BICD1: variants seen among roughly 807,000 people sequenced by gnomAD.
The protein encoded by BICD1 is BICD cargo adaptor 1, also known as protein bicaudal D homolog 1.
BICD1 carries 35 observed loss-of-function variants against 92.5 expected under a neutral mutation model. The observed-to-expected ratio is 0.38, with a 90% CI of 0.29 to 0.50. BICD1 has a LOEUF of 0.50. Ranked by LOEUF, BICD1 falls within the 20% of genes least tolerant of loss-of-function variation. The probability of loss-of-function intolerance (pLI) is 0.93; values close to 1 mark genes in which losing one functional copy is unlikely to be tolerated. For synonymous variants in BICD1, 429 were observed against 465.1 expected (o/e 0.92, Z 1.00); for missense variants, 950 against 1,189.8 (o/e 0.80, Z 2.97).
intron 8 of BICD1, among the ~76,000 whole-genome samples, chr12:32,349,075 C>T (rs1370490155): frequency 1.3e-5 from 2 of 152,040 alleles, no homozygotes; most frequent in Non-Finnish European, 2.9e-5. Flanking sequence ...GAACAATCTA[C>T]CTGTAACATT....
chr12:32,248,479 C>T (rs928911292), intron 2 of BICD1, among the ~76,000 whole-genome samples: 1 of 152,060 alleles, frequency 6.6e-6, no homozygotes, highest in Admixed American at 6.6e-5. Context: ...ACTGATGATC[C>T]TTAAAGAAGG....
intron 8 of BICD1, among the ~76,000 whole-genome samples, chr12:32,345,215 G>A (rs546099649): frequency 2.6e-5 from 4 of 151,240 alleles, no homozygotes; most frequent in African/African-American, 9.7e-5. Context: ...TTGAGTCTGG[G>A]AGGTCGAGGC....
chr12:32,308,005 C>G (rs189761252), intron 4 of BICD1, among the ~76,000 whole-genome samples: 1 of 152,300 alleles, frequency 6.6e-6, no homozygotes, highest in Admixed American at 6.5e-5. Flanking sequence ...ATGCATGAAA[C>G]AGCACAACAA....
rs111567892 is a variant in BICD1 at position 32,338,818 on chromosome 12, G to A, written c.2603G>A (p.Arg868His). The change falls in exon 8 of 10, where the codon CGT becomes CAT. Residue 868 changes from arginine to histidine, a missense_variant. By Grantham distance (29) the Arg-to-His change is conservative. Coordinates refer to ENST00000652176, the MANE Select transcript of BICD1 (RefSeq NM_001714.4). ...TCACCTTCCCTTTGTGATCAGAGCC[G>A]TCCCAGGACTTCAGGGGCTTCCTAC... ...QFSPSLCDQS[R>H]PRTSGASYLQ... The A allele has an allele frequency of 2.3e-4, 361 of 1,602,326 alleles. 2 individuals are homozygous for A. The African/African-American group carries it at 3.5e-3, about 16-fold the overall frequency.
chr12:32,225,606 C>T (rs74552239), intron 2 of BICD1, among the ~76,000 whole-genome samples: 2,477 of 89,314 alleles, frequency 0.028, 67 homozygotes, highest in African/African-American at 0.084. Context: ...TGGTATTTGA[C>T]AGTTCTTTTT....
intron 1 of BICD1, among the ~76,000 whole-genome samples, chr12:32,148,881 A>G (rs1180361593): frequency 6.6e-6 from 1 of 151,968 alleles, no homozygotes; most frequent in Non-Finnish European, 1.5e-5. Context: ...TTAGCTGGAC[A>G]TGGTGGTGCA....
chr12:32,107,656 T>C, intron 1 of BICD1, 112 bp downstream of exon 1: 1 of 1,152,596 alleles, frequency 8.7e-7, no homozygotes, highest in Non-Finnish European at 1.3e-6. Context: ...CTGTTTTTTC[T>C]TCTAGGGCCC....
chr12:32,171,988 C>T (rs77186685), intron 1 of BICD1, among the ~76,000 whole-genome samples: 10,241 of 132,452 alleles, frequency 0.077, 507 homozygotes, highest in East Asian at 0.23. Flanking sequence ...CACACACACA[C>T]ACTAAAACTG....
intron 1 of BICD1, among the ~76,000 whole-genome samples, chr12:32,116,510 CTATATA>C (rs370907481): frequency 1.2e-4 from 13 of 104,410 alleles, no homozygotes; most frequent in African/African-American, 4.2e-4. Flanking sequence ...CTCTCTCTCT[CTATATA>C]TATATATATA....
At chr12:32,280,459 G>A (rs1947383808) in intron 2 of BICD1, among the ~76,000 whole-genome samples, 1 of 152,084 alleles carries the variant, frequency 6.6e-6, no homozygotes, top group Admixed American at 6.6e-5. Context: ...ATATAGAGGG[G>A]GAAACTAATG....
At chr12:32,120,651 A>G (rs1285378622) in intron 1 of BICD1, among the ~76,000 whole-genome samples, 1 of 152,114 alleles carries the variant, frequency 6.6e-6, no homozygotes, top group Non-Finnish European at 1.5e-5. Flanking sequence ...ACCTTGTGTG[A>G]GGTTACTGGA....
At chr12:32,288,430 T>A (rs1251061352) in intron 2 of BICD1, among the ~76,000 whole-genome samples, 1 of 151,858 alleles carries the variant, frequency 6.6e-6, no homozygotes. Context: ...TACAAAATAA[T>A]CTTCTGGATG....
At chr12:32,305,390 G>A (rs1428346434) in intron 3 of BICD1, among the ~76,000 whole-genome samples, 1 of 151,636 alleles carries the variant, frequency 6.6e-6, no homozygotes, top group East Asian at 1.9e-4. Context: ...TAAGACAATA[G>A]ACTCTTCATC....
At position 32,216,446 on chromosome 12, in the gene BICD1, A is replaced by C. The variant is rs764969519; in HGVS notation, c.413A>C (p.Gln138Pro). 2.5e-6 allele frequency: 4 copies of C among 1,614,146 alleles called. No homozygotes were observed. The highest frequency in any genetic ancestry group is 3.4e-6 in the Non-Finnish European group (4 of 1,179,984). Residue 138 changes from glutamine (Q) to proline (P), a missense_variant, in exon 2 of 10, where the codon CAG becomes CCG. This residue lies in a region of BICD1 where 202 missense variants were observed against 205.3 expected (regional missense o/e 0.98). Transcript: ENST00000652176. ...AENERLTAVV[Q>P]DLKENNEMVE... ...AACGAGAGGCTCACCGCAGTCGTGC[A>C]GGATCTGAAGGAGGTAAATAAACAA...
intron 2 of BICD1, among the ~76,000 whole-genome samples, chr12:32,255,748 C>G (rs552326084): frequency 1.3e-5 from 2 of 152,304 alleles, no homozygotes; most frequent in African/African-American, 4.8e-5. Flanking sequence ...TCATTCTCAT[C>G]ATTCAGGTCT....
intron 2 of BICD1, among the ~76,000 whole-genome samples, chr12:32,240,337 G>T (rs906872035): frequency 1.5e-4 from 23 of 151,770 alleles, no homozygotes; most frequent in African/African-American, 5.3e-4. Flanking sequence ...GTAATGTCAA[G>T]GTGTAGGGCC....
At chr12:32,126,655 G>A (rs904396253) in intron 1 of BICD1, among the ~76,000 whole-genome samples, 4 of 152,114 alleles carry the variant, frequency 2.6e-5, no homozygotes, top group Non-Finnish European at 5.9e-5. Flanking sequence ...TACTTGGGAG[G>A]CTGAGGCAGG....
chr12:32,222,896 T>G (rs565304480), intron 2 of BICD1, among the ~76,000 whole-genome samples: 1 of 152,330 alleles, frequency 6.6e-6, no homozygotes, highest in African/African-American at 2.4e-5. Flanking sequence ...ACACTGAACC[T>G]GCCAGCACCT....
chr12:32,294,025 G>C lies in BICD1; in HGVS notation c.458G>C (p.Arg153Pro). Residue 153 changes from arginine (R) to proline (P), a missense_variant, in exon 3 of 10, where the codon CGG becomes CCG. Transcript: ENST00000652176. ...GAGATGGTGGAGCTACAGAGAATAC[G>C]GATGAAGGATGAAATCCGAGAATAT... ...NNEMVELQRI[R>P]MKDEIREYKF... The C allele has an allele frequency of 6.2e-7, 1 of 1,613,298 alleles. No homozygotes were observed. The highest frequency in any genetic ancestry group is 8.5e-7 in the Non-Finnish European group (1 of 1,179,800).
Sources: allele counts gnomAD v4.1 joint callset (sites outside exome capture counted in the v4.1 genomes callset), GRCh38; gene constraint gnomAD v4.1.1; regional missense constraint gnomAD v4.1.1; transcripts MANE v1.5; gene names NCBI Gene and HGNC (gene_info 2026-07-23, HGNC 2026-07-21).